Variants in RGS6 observed in about 807,000 individuals in gnomAD.
RGS6 encodes regulator of G-protein signaling 6.
A neutral mutation model predicts 78.5 loss-of-function variants in RGS6; 30 were observed. The observed-to-expected ratio is 0.38, with a 90% confidence interval of 0.29 to 0.52. RGS6 has a LOEUF of 0.52. Among genes scored for constraint, RGS6 ranks in the 20% least tolerant of loss-of-function variants. RGS6 has a pLI of 0.85. For synonymous variants in RGS6, 206 were observed against 206.0 expected (o/e 1.00, Z 0.00); for missense variants, 495 against 609.7 (o/e 0.81, Z 1.98).
chr14:71,872,927 T>C, the RGS6 span, among the ~76,000 whole-genome samples: 2 of 152,208 alleles, frequency 1.3e-5, no homozygotes, highest in Non-Finnish European at 2.9e-5. Flanking sequence ...TTGCTCAGAA[T>C]GATGGTTTCC....
the RGS6 span, among the ~76,000 whole-genome samples, chr14:72,602,426 A>G: frequency 6.6e-6 from 1 of 152,278 alleles, no homozygotes; most frequent in East Asian, 1.9e-4. Context: ...CATTCTCCCC[A>G]TTTCTCAGAC....
intron 15 of RGS6, among the ~76,000 whole-genome samples, chr14:72,535,619 A>T (rs2097239908): frequency 6.6e-6 from 1 of 152,160 alleles, no homozygotes; most frequent in East Asian, 1.9e-4. Context: ...ATCACGTGTT[A>T]AGATGTGTCA....
chr14:72,236,016 C>T (rs1480252138), intron 2 of RGS6, among the ~76,000 whole-genome samples: 1 of 152,196 alleles, frequency 6.6e-6, no homozygotes, highest in African/African-American at 2.4e-5. Context: ...GATTTGTAGA[C>T]AATGCAATTT....
At chr14:72,567,938 C>T (rs2097715686), downstream of RGS6, among the ~76,000 whole-genome samples, 1 of 152,234 alleles carries the variant, frequency 6.6e-6, no homozygotes, top group Non-Finnish European at 1.5e-5. Context: ...ATGGGGGTTA[C>T]TGGATCTGCC....
intron 2 of RGS6, among the ~76,000 whole-genome samples, chr14:71,981,723 T>C (rs969135358): frequency 4.6e-5 from 7 of 151,482 alleles, no homozygotes; most frequent in African/African-American, 1.5e-4. Context: ...TCTGCAGAGG[T>C]TACTGCTGTC....
intron 2 of RGS6, among the ~76,000 whole-genome samples, chr14:72,164,635 C>T (rs1342905859): frequency 6.6e-6 from 1 of 152,098 alleles, no homozygotes; most frequent in Non-Finnish European, 1.5e-5. Flanking sequence ...TATGAAGTGG[C>T]AGGGTGCAGT....
intron 2 of RGS6, among the ~76,000 whole-genome samples, chr14:72,210,560 G>A (rs953507873): frequency 6.6e-5 from 10 of 152,216 alleles, no homozygotes; most frequent in African/African-American, 2.2e-4. Flanking sequence ...CTGAAGAACA[G>A]ATTCACTCTT....
chr14:72,174,183 C>A (rs2097070577), intron 2 of RGS6, among the ~76,000 whole-genome samples: 1 of 152,218 alleles, frequency 6.6e-6, no homozygotes, highest in Admixed American at 6.5e-5. Context: ...TCTCAGCTCA[C>A]TGCGACCTCT....
chr14:72,453,996 G>C (rs2095564476), intron 3 of RGS6, among the ~76,000 whole-genome samples: 1 of 152,242 alleles, frequency 6.6e-6, no homozygotes, highest in Admixed American at 6.5e-5. Flanking sequence ...GTGCAGGGGA[G>C]GCTGGAAATG....
intron 2 of RGS6, among the ~76,000 whole-genome samples, chr14:72,151,822 C>A (rs2096692967): frequency 6.6e-6 from 1 of 152,194 alleles, no homozygotes; most frequent in African/African-American, 2.4e-5. Context: ...TCAGTTCTAT[C>A]AGAACCATCT....
chr14:72,116,392 T>C (rs571411384), intron 2 of RGS6, among the ~76,000 whole-genome samples: 1 of 152,188 alleles, frequency 6.6e-6, no homozygotes, highest in African/African-American at 2.4e-5. Context: ...TTCTCAACCA[T>C]GACATCATTG....
chr14:72,198,758 G>T (rs1408420198), intron 2 of RGS6, among the ~76,000 whole-genome samples: 5 of 152,212 alleles, frequency 3.3e-5, no homozygotes, highest in Admixed American at 3.3e-4. Context: ...CCAGGGCAGA[G>T]TCCACCTGCC....
At chr14:72,397,684 G>T (rs918772618) in intron 3 of RGS6, among the ~76,000 whole-genome samples, 8 of 152,126 alleles carry the variant, frequency 5.3e-5, no homozygotes, top group Admixed American at 5.2e-4. Context: ...TTGGCTGTGG[G>T]TTTGTCATAC....
At chr14:72,290,785 T>C (rs1379345213) in intron 2 of RGS6, among the ~76,000 whole-genome samples, 1 of 152,224 alleles carries the variant, frequency 6.6e-6, no homozygotes, top group South Asian at 2.1e-4. Flanking sequence ...CACGGATTAA[T>C]TAAAAGCTGC....
intron 12 of RGS6, among the ~76,000 whole-genome samples, chr14:72,487,576 A>G (rs894255954): frequency 1.3e-5 from 2 of 152,338 alleles, no homozygotes; most frequent in East Asian, 3.9e-4. Context: ...GAGGCAGAAG[A>G]GTCGGTGTCA....
the RGS6 span, among the ~76,000 whole-genome samples, chr14:71,895,610 CCTGGT>C: frequency 6.6e-6 from 1 of 152,158 alleles, no homozygotes; most frequent in South Asian, 2.1e-4. Flanking sequence ...TAATCAGGAT[CCTGGT>C]AGGGAGCAGA....
intron 17 of RGS6, among the ~76,000 whole-genome samples, chr14:72,557,400 C>T (rs528824279): frequency 6.6e-6 from 1 of 152,288 alleles, no homozygotes; most frequent in South Asian, 2.1e-4. Flanking sequence ...TTTTGCTTTG[C>T]TCAGTGGAGA....
intron 3 of RGS6, among the ~76,000 whole-genome samples, chr14:72,446,890 A>C (rs1361884858): frequency 6.6e-6 from 1 of 152,148 alleles, no homozygotes; most frequent in Non-Finnish European, 1.5e-5. Context: ...GGCAGAGCTC[A>C]GGCAGTAATG....
chr14:72,579,909 G>C, the RGS6 span, among the ~76,000 whole-genome samples: 1 of 152,164 alleles, frequency 6.6e-6, no homozygotes, highest in East Asian at 1.9e-4. Context: ...AGGTGGATGG[G>C]GCACGAATTG....
Sources: gnomAD v4.1 joint callset for allele counts (sites outside exome capture counted in the v4.1 genomes callset) on GRCh38, gnomAD v4.1.1 for gene constraint, MANE v1.5 for transcripts, NCBI Gene and HGNC (gene_info 2026-07-23, HGNC 2026-07-21) for gene names.